Variants in TSPAN16 observed in about 807,000 individuals in gnomAD.
TSPAN16 encodes tetraspanin-16.
Under a neutral mutation model 25.2 loss-of-function variants are expected in TSPAN16, and 23 were observed. The observed-to-expected ratio is 0.91, with a 90% CI of 0.66 to 1.29. TSPAN16 has a LOEUF of 1.29. TSPAN16 is among the 50% of genes most tolerant of loss of function. The pLI is 0.00. For synonymous variants in TSPAN16, 123 were observed against 124.4 expected, an observed-to-expected ratio of 0.99 and a Z score of 0.08; for missense variants, 272 against 299.9, an observed-to-expected ratio of 0.91 and a Z score of 0.69.
At position 11,298,859 on chromosome 19, in the gene TSPAN16, G is replaced by C; in HGVS notation, c.268-13G>C. The C allele has an allele frequency of 6.2e-7, 1 of 1,613,608 alleles. No individual in the cohort carries two copies. Among genetic ancestry groups the C allele is most frequent in the South Asian group, 1.1e-5 (1 of 91,074 alleles). ...GCAGGCTCCCAGGCCCTCTCTCCCCGTGTGTCTTTTAGTGCATCCTGTCAA... is the reference window on the plus strand; with the variant it reads ...GCAGGCTCCCAGGCCCTCTCTCCCCCTGTGTCTTTTAGTGCATCCTGTCAA... On this transcript the variant is annotated splice_polypyrimidine_tract_variant and intron_variant, in intron 2 of 6. Transcript: ENST00000590327.
rs1051958036 is a variant in TSPAN16 at position 11,301,256 on chromosome 19, G to T, written c.398G>T (p.Gly133Val). The T allele has an allele frequency of 6.2e-7, 1 of 1,613,942 alleles. No individual in the cohort carries two copies. The highest frequency in any genetic ancestry group is 1.7e-5 in the Admixed American group (1 of 59,964). ...TFVTLRKNYR[G>V]YNEPDDYSTQ... Reference sequence around the variant, plus strand: ...GTGACCCTGAGGAAGAATTACAGAGGTTACAACGAGCCAGACGACTATTCT... The same window carrying T: ...GTGACCCTGAGGAAGAATTACAGAGTTTACAACGAGCCAGACGACTATTCT... The change falls in exon 4 of 7, where the codon GGT (glycine) becomes GTT (valine). Residue 133 changes from glycine to valine, a missense_variant. Gly to Val is a moderately radical substitution (Grantham distance 109, BLOSUM62 -3). Coordinates refer to ENST00000590327, the MANE Select transcript of TSPAN16 (RefSeq NM_001282509.2).
chr19:11,312,015 C>CT, intron 5 of TSPAN16, 124 bp from the exon 6 acceptor site: 2 of 692,860 alleles, frequency 2.9e-6, no homozygotes, highest in Non-Finnish European at 2.5e-6. Context: ...TCACGGCTCT[C>CT]TCCCCGCTTC....
rs1244040208 is a variant in TSPAN16 at position 11,306,731 on chromosome 19, T to C, written c.578T>C (p.Val193Ala). The change falls in exon 5 of 7, where the codon GTG (valine) becomes GCG (alanine). Residue 193 changes from valine (V) to alanine (A), a missense_variant. Transcript: ENST00000590327. ...AGTGTGTCCTGTGACGGACGCGATG[T>C]GTCTCCAAACGTCATCCACCAGAAG... ...IGSVSCDGRD[V>A]SPNVIHQKGC... 6.2e-7 allele frequency: 1 copy of C among 1,614,012 alleles called. No individual in the cohort carries two copies. The highest frequency in any genetic ancestry group is 1.3e-5 in the African/African-American group (1 of 74,938).
At chr19:11,321,505 A>G (rs1261244211) in intron 6 of TSPAN16, among the ~76,000 whole-genome samples, 1 of 152,202 alleles carries the variant, frequency 6.6e-6, no homozygotes, top group African/African-American at 2.4e-5. Context: ...GGGGACACAA[A>G]GCCAAACCAT....
chr19:11,304,820 A>G (rs775597594), intron 4 of TSPAN16, among the ~76,000 whole-genome samples: 2 of 151,868 alleles, frequency 1.3e-5, no homozygotes, highest in Non-Finnish European at 2.9e-5. Flanking sequence ...CACTGTGCCC[A>G]GCCTAAAATT....
At chr19:11,319,874 A>G (rs943395738), downstream of TSPAN16, among the ~76,000 whole-genome samples, 1 of 151,948 alleles carries the variant, frequency 6.6e-6, no homozygotes, top group East Asian at 2.0e-4. Flanking sequence ...GAATGCAGTG[A>G]CGCGATCTTG....
chr19:11,308,229 G>A (rs960047294), intron 5 of TSPAN16, among the ~76,000 whole-genome samples: 3 of 152,196 alleles, frequency 2.0e-5, no homozygotes, highest in African/African-American at 7.2e-5. Context: ...AATGAGCACA[G>A]AGATCTTCTC....
chr19:11,325,321 T>C (rs1213123460), intron 6 of TSPAN16: 1 of 935,604 alleles, frequency 1.1e-6, no homozygotes, highest in African/African-American at 1.7e-5. Flanking sequence ...AGCTTGGAGA[T>C]AACCACTGTG....
downstream of TSPAN16, among the ~76,000 whole-genome samples, chr19:11,319,200 A>G (rs1010861050): frequency 6.6e-6 from 1 of 152,166 alleles, no homozygotes; most frequent in Admixed American, 6.6e-5. Flanking sequence ...CTACAAAGTC[A>G]GGGGGGGTTC....
intron 3 of TSPAN16, 190 bp from the exon 4 acceptor site, chr19:11,301,011 C>G: frequency 1.8e-6 from 1 of 559,834 alleles, no homozygotes; most frequent in South Asian, 2.1e-5. Context: ...CCCTGTTTCC[C>G]TCTCTTGTGG....
At chr19:11,320,683 AAAAAG>A (rs1272473650), downstream of TSPAN16, among the ~76,000 whole-genome samples, 26 of 151,860 alleles carry the variant, frequency 1.7e-4, no homozygotes, top group South Asian at 6.2e-4. Context: ...CAAAAAAAAA[AAAAAG>A]AAAAGAAAAG....
At chr19:11,310,116 A>G (rs1394783044) in intron 5 of TSPAN16, among the ~76,000 whole-genome samples, 1 of 151,888 alleles carries the variant, frequency 6.6e-6, no homozygotes, top group Non-Finnish European at 1.5e-5. Context: ...AAAAAAAAAA[A>G]CTATTATGTG....
chr19:11,320,138 T>TTTTTTTTTTG (rs2080769662), downstream of TSPAN16, among the ~76,000 whole-genome samples: 2 of 149,150 alleles, frequency 1.3e-5, no homozygotes, highest in African/African-American at 2.5e-5. Flanking sequence ...TTTTTTTTTT[T>TTTTTTTTTTG]GAGACGGAGT....
intron 1 of TSPAN16, among the ~76,000 whole-genome samples, chr19:11,297,913 A>T (rs1210819992): frequency 2.0e-5 from 3 of 151,444 alleles, no homozygotes; most frequent in South Asian, 2.1e-4. Flanking sequence ...CACTGCAGAC[A>T]CCTGAGTAGC....
chr19:11,302,875 T>C (rs1298523124), intron 4 of TSPAN16, among the ~76,000 whole-genome samples: 1 of 150,230 alleles, frequency 6.7e-6, no homozygotes, highest in African/African-American at 2.5e-5. Context: ...CGTGCCACCA[T>C]GCCTGGCTAA....
At position 11,302,688 on chromosome 19, in the gene TSPAN16, C is replaced by T. The variant is rs1349826743; in HGVS notation, c.450+1380C>T. ...ATATATATATATATATACACACACA[C>T]ACACACACACACACACACATACATA... On this transcript the variant is annotated intron_variant, in intron 4 of 6. Transcript: ENST00000590327. 3.7e-3 allele frequency among the ~76,000 whole-genome samples: 435 copies of T among 116,090 alleles called. 5 individuals are homozygous for T. The highest frequency in any genetic ancestry group is 0.016 in the African/African-American group (400 of 25,134). The allele number at this position is 116,090 out of a possible 152,430, so 76.2% of individuals were successfully genotyped here.
At chr19:11,303,568 TAAATAAATTA>T (rs1243504966) in intron 4 of TSPAN16, among the ~76,000 whole-genome samples, 21 of 78,190 alleles carry the variant, frequency 2.7e-4, no homozygotes, top group African/African-American at 1.1e-3. Flanking sequence ...AATAAATAAA[TAAATAAATTA>T]AAAAAAAAAA....
At chr19:11,311,472 CTG>C (rs2080691925) in intron 5 of TSPAN16, among the ~76,000 whole-genome samples, 2 of 152,034 alleles carry the variant, frequency 1.3e-5, no homozygotes, top group African/African-American at 2.4e-5. Flanking sequence ...GCTGTGTCCC[CTG>C]GGCTGGAGTG....
chr19:11,326,722 G>A, intron 6 of TSPAN16: 1 of 684,710 alleles, frequency 1.5e-6, no homozygotes, highest in Non-Finnish European at 2.6e-6. Flanking sequence ...TCCCGCCTTG[G>A]CCCCCTGAGT....
Sources: gnomAD v4.1 joint callset for allele counts (sites outside exome capture counted in the v4.1 genomes callset) on GRCh38, gnomAD v4.1.1 for gene constraint, MANE v1.5 for transcripts, NCBI Gene and HGNC (gene_info 2026-07-23, HGNC 2026-07-21) for gene names.